The following ATXN2 variants were observed in gnomAD, a reference collection of about 807,000 sequenced individuals.
ATXN2 encodes the protein ataxin 2, also known as ataxin-2.
A neutral mutation model predicts 138.6 loss-of-function variants in ATXN2; 37 were observed. The observed-to-expected ratio is 0.27, with a 90% confidence interval of 0.21 to 0.35. The LOEUF (loss-of-function observed/expected upper bound fraction) is 0.35, where lower values mean the gene tolerates loss of function less well. Among genes scored for constraint, ATXN2 ranks in the 10% least tolerant of loss-of-function variants. The probability of loss-of-function intolerance (pLI) is 1.00; values close to 1 mark genes in which losing one functional copy is unlikely to be tolerated. For missense variants in ATXN2, 1,216 were observed against 1,480.3 expected (o/e 0.82, Z 2.93); for synonymous variants, 549 against 543.7 (o/e 1.01, Z -0.13).
chr12:111,577,168 G>A (rs1883713432), intron 1 of ATXN2, among the ~76,000 whole-genome samples: 1 of 152,058 alleles, frequency 6.6e-6, no homozygotes, highest in Non-Finnish European at 1.5e-5. Context: ...TGTTCCTACT[G>A]TCAAGATGCT....
At chr12:111,483,013 C>T (rs1238998668) in intron 18 of ATXN2, among the ~76,000 whole-genome samples, 4 of 151,604 alleles carry the variant, frequency 2.6e-5, no homozygotes, top group Non-Finnish European at 4.4e-5. Flanking sequence ...CATGGCAAAA[C>T]CCATCTCTAC....
intron 5 of ATXN2, among the ~76,000 whole-genome samples, chr12:111,548,762 TG>T (rs1159105912): frequency 6.6e-6 from 1 of 152,210 alleles, no homozygotes; most frequent in African/African-American, 2.4e-5. Context: ...TTTTTTATTC[TG>T]TTGCCCAGGC....
chr12:111,597,453 G>A (rs1884993608), intron 1 of ATXN2, among the ~76,000 whole-genome samples: 1 of 152,212 alleles, frequency 6.6e-6, no homozygotes, highest in South Asian at 2.1e-4. Context: ...AACACGGATG[G>A]ACTTGAGGCA....
intron 6 of ATXN2, among the ~76,000 whole-genome samples, chr12:111,522,162 A>G (rs1880193250): frequency 6.6e-6 from 1 of 151,630 alleles, no homozygotes; most frequent in South Asian, 2.1e-4. Flanking sequence ...TTTGCCAAAC[A>G]CATGGGCAGG....
chr12:111,532,159 C>T (rs539483548), intron 5 of ATXN2, among the ~76,000 whole-genome samples: 7 of 151,416 alleles, frequency 4.6e-5, no homozygotes, highest in Non-Finnish European at 4.4e-5. Context: ...AAGGCCAGAG[C>T]GGATACCATA....
chr12:111,514,870 C>T (rs561376500), intron 10 of ATXN2, among the ~76,000 whole-genome samples: 43 of 152,318 alleles, frequency 2.8e-4, no homozygotes, highest in Middle Eastern at 6.8e-3. Flanking sequence ...AAATATTCAA[C>T]ATCTCTGAAT....
At chr12:111,520,802 A>G (rs1324272031) in intron 7 of ATXN2, 80 bp downstream of exon 7, 2 of 765,366 alleles carry the variant, frequency 2.6e-6, no homozygotes, top group Non-Finnish European at 2.0e-6. Flanking sequence ...AAAAACTAAC[A>G]AACATTTATT....
At chr12:111,597,600 T>C in intron 1 of ATXN2, 1 of 402,944 alleles carries the variant, frequency 2.5e-6, no homozygotes, top group South Asian at 1.8e-5. Context: ...GTTCGTGAAA[T>C]ACGAACTGAC....
chr12:111,570,279 C>G (rs1883245449), intron 1 of ATXN2, among the ~76,000 whole-genome samples: 1 of 152,106 alleles, frequency 6.6e-6, no homozygotes, highest in Admixed American at 6.6e-5. Flanking sequence ...CAATTGTATT[C>G]CCCTTCAAAA....
At chr12:111,564,270 C>T (rs1882863691) in intron 1 of ATXN2, among the ~76,000 whole-genome samples, 1 of 151,864 alleles carries the variant, frequency 6.6e-6, no homozygotes, top group African/African-American at 2.4e-5. Flanking sequence ...TCATATGATA[C>T]ACACTGAGTA....
intron 14 of ATXN2, among the ~76,000 whole-genome samples, chr12:111,506,631 T>TCCCCCCCCCCCCCCCC (rs1253945857): frequency 7.1e-6 from 1 of 141,396 alleles, no homozygotes; most frequent in African/African-American, 2.6e-5. Flanking sequence ...CCTCTCCCTC[T>TCCCCCCCCCCCCCCCC]CCCCCCCTCC....
intron 1 of ATXN2, among the ~76,000 whole-genome samples, chr12:111,556,884 G>A (rs113461008): frequency 7.3e-5 from 11 of 150,098 alleles, no homozygotes; most frequent in African/African-American, 2.7e-4. Context: ...CTGAAAATAA[G>A]CTAAATCATT....
At chr12:111,534,093 A>T (rs1881001151) in intron 5 of ATXN2, among the ~76,000 whole-genome samples, 1 of 151,708 alleles carries the variant, frequency 6.6e-6, no homozygotes, top group Non-Finnish European at 1.5e-5. Flanking sequence ...TAAAAACATA[A>T]AAATATAATA....
At chr12:111,526,524 C>T (rs1339082999) in intron 5 of ATXN2, among the ~76,000 whole-genome samples, 1 of 151,756 alleles carries the variant, frequency 6.6e-6, no homozygotes, top group Admixed American at 6.6e-5. Context: ...CCTGCCTCAG[C>T]CTCCCAAGTA....
At chr12:111,532,839 G>A (rs1404944732) in intron 5 of ATXN2, among the ~76,000 whole-genome samples, 5 of 130,156 alleles carry the variant, frequency 3.8e-5, no homozygotes, top group East Asian at 2.3e-4. Flanking sequence ...CAAGGCTGCA[G>A]AAATAGGTTT....
chr12:111,460,119 T>C (rs1384319027), intron 21 of ATXN2, among the ~76,000 whole-genome samples: 2 of 152,258 alleles, frequency 1.3e-5, no homozygotes, highest in Non-Finnish European at 2.9e-5. Context: ...TCTCGCTCTG[T>C]TGCCCAGGGT....
At position 111,598,038 on chromosome 12, in the gene ATXN2, C is replaced by G. The variant is rs989881966; in HGVS notation, c.251+746G>C. The G allele has an allele frequency of 2.0e-5, 23 of 1,172,050 alleles. No individual in the cohort carries two copies. In the African/African-American group the frequency reaches 3.4e-4, roughly 17 times the overall value. 72.6% of individuals were successfully genotyped at this position (1,172,050 alleles called of 1,614,324 possible). On this transcript the variant is annotated intron_variant, in intron 1 of 24. Transcript: ENST00000673436. This position sits in a 1 kb window ranked among gnomAD's most constrained non-coding sequence, Gnocchi z 4.5. ...GGCCGGGACGGGGCCGGGCACTCCC[C>G]ACCCCTTCCCTTCCCCAGGTGGGGG...
At chr12:111,584,813 T>C (rs1417087020) in intron 1 of ATXN2, among the ~76,000 whole-genome samples, 1 of 150,132 alleles carries the variant, frequency 6.7e-6, no homozygotes, top group Admixed American at 6.6e-5. Context: ...TAAAACTAAA[T>C]ACAAAATTAG....
intron 20 of ATXN2, among the ~76,000 whole-genome samples, chr12:111,464,953 G>A (rs1875885111): frequency 6.6e-6 from 1 of 152,066 alleles, no homozygotes; most frequent in African/African-American, 2.4e-5. Flanking sequence ...AAAAGTAAAA[G>A]GAATAAAATC....
Sources: allele counts gnomAD v4.1 joint callset (sites outside exome capture counted in the v4.1 genomes callset), GRCh38; gene constraint gnomAD v4.1.1; non-coding constraint Gnocchi (gnomAD v3.1); transcripts MANE v1.5; gene names NCBI Gene and HGNC (gene_info 2026-07-23, HGNC 2026-07-21).